Variants in PAX8 observed in about 807,000 individuals in gnomAD.
The protein encoded by PAX8 is paired box protein Pax-8.
Under a neutral mutation model 52.4 loss-of-function variants are expected in PAX8, and 15 were observed. The observed-to-expected ratio is 0.29, with a 90% CI of 0.19 to 0.44. The LOEUF (loss-of-function observed/expected upper bound fraction) is 0.44, where lower values mean the gene tolerates loss of function less well. Among genes scored for constraint, PAX8 ranks in the 20% least tolerant of loss-of-function variants. PAX8 has a pLI of 1.00. For synonymous variants in PAX8, 284 were observed against 249.7 expected (o/e 1.14, Z -1.29); for missense variants, 554 against 602.5 (o/e 0.92, Z 0.84).
intron 2 of PAX8, chr2:113,275,576 A>G (rs1693743938): frequency 6.6e-6 from 1 of 152,172 alleles, no homozygotes; most frequent in African/African-American, 2.4e-5. Flanking sequence ...TATTTTCGGG[A>G]CTGGTGGGAG....
chr2:113,260,878 TTGTG>T (rs34240850), intron 2 of PAX8, among the ~76,000 whole-genome samples: 1 of 148,116 alleles, frequency 6.8e-6, no homozygotes, highest in African/African-American at 2.5e-5. Flanking sequence ...AGTGACTGTT[TTGTG>T]TGTGTGTGTG....
intron 2 of PAX8, chr2:113,267,108 C>T (rs1020947152): frequency 6.6e-6 from 1 of 152,226 alleles, no homozygotes; most frequent in East Asian, 1.9e-4. Context: ...TGAGGGGTCT[C>T]AGGCGCAGAG....
At chr2:113,248,346 G>T (rs1573481562) in intron 2 of PAX8, among the ~76,000 whole-genome samples, 1 of 152,230 alleles carries the variant, frequency 6.6e-6, no homozygotes, top group Non-Finnish European at 1.5e-5. Context: ...GCTATGCCTG[G>T]ATGCTTGTCA....
chr2:113,236,819 TC>T, intron 7 of PAX8, 98 bp from the exon 8 acceptor site: 1 of 1,400,370 alleles, frequency 7.1e-7, no homozygotes, highest in Non-Finnish European at 9.6e-7. Flanking sequence ...AGCCCTCATC[TC>T]CCCAGGAGAG....
chr2:113,236,830 G>T, intron 7 of PAX8, 109 bp from the exon 8 acceptor site: 2 of 1,273,976 alleles, frequency 1.6e-6, no homozygotes, highest in South Asian at 1.5e-5. Context: ...CCCCAGGAGA[G>T]GTCCTCATCG....
chr2:113,277,453 A>C (rs533012768), intron 2 of PAX8, among the ~76,000 whole-genome samples: 1 of 152,194 alleles, frequency 6.6e-6, no homozygotes, highest in East Asian at 1.9e-4. Context: ...CGGAGAATTC[A>C]TTCTGAAATA....
intron 2 of PAX8, chr2:113,255,279 G>A (rs1185788650): frequency 2.0e-5 from 1 of 50,672 alleles, no homozygotes; most frequent in Non-Finnish European, 3.8e-5. Context: ...AGGAGGGAGG[G>A]GAGGAGGGAG....
chr2:113,219,190 C>T (rs1689140712), intron 11 of PAX8, among the ~76,000 whole-genome samples: 1 of 152,184 alleles, frequency 6.6e-6, no homozygotes, highest in African/African-American at 2.4e-5. Flanking sequence ...GAGTTGAACT[C>T]ATCTGGCAAA....
In PAX8 at chr2:113,217,975, T is replaced by C. The variant is rs1689082327; in HGVS notation, c.*558A>G. The C allele has an allele frequency of 1.3e-5, 3 of 233,056 alleles. No individual in the cohort carries two copies. The East Asian group carries it at 1.8e-4, about 14-fold the overall frequency. The allele number at this position is 233,056 out of a possible 1,614,324, so 14.4% of individuals were successfully genotyped here. A position where few individuals can be genotyped will look rare whatever the true frequency, so the allele number is the denominator to read the frequency against. ...GGAGGTGTAGAAAGAGCCAAGCAAA[T>C]GGAGTGGAGAAAGAGGACAGCCAGA... is the stretch of plus-strand genomic sequence containing the variant. On this transcript the variant is annotated 3_prime_UTR_variant, in exon 12 of 12. Coordinates refer to ENST00000429538, the MANE Select transcript of PAX8 (RefSeq NM_003466.4).
At chr2:113,243,144 A>C (rs906889088) in intron 4 of PAX8, among the ~76,000 whole-genome samples, 1 of 152,170 alleles carries the variant, frequency 6.6e-6, no homozygotes, top group Non-Finnish European at 1.5e-5. Flanking sequence ...CCAGTGTTCC[A>C]GGGTCACTCA....
rs757730962 is a variant in PAX8, at chr2:113,220,072, G to A, written c.1276+20C>T. The A allele has an allele frequency of 8.1e-6, 13 of 1,596,746 alleles. No individual in the cohort carries two copies. The highest frequency in any genetic ancestry group is 1.1e-5 in the Non-Finnish European group (13 of 1,166,840). On this transcript the variant is annotated intron_variant, in intron 11 of 11. Transcript: ENST00000429538. ...CATCCATCCTGCCCAGCAGAGGCCT[G>A]GGCAGCCCCAGGGACTTACTCAGCA...
At chr2:113,226,603 G>A (rs775866346) in intron 10 of PAX8, 203 of 1,051,234 alleles carry the variant, frequency 1.9e-4, no homozygotes, top group Middle Eastern at 4.6e-4. Context: ...CCTAGAACCC[G>A]GGTCCTATCC....
At chr2:113,228,926 C>G (rs543484380) in intron 9 of PAX8, among the ~76,000 whole-genome samples, 1 of 152,348 alleles carries the variant, frequency 6.6e-6, no homozygotes, top group African/African-American at 2.4e-5. Flanking sequence ...CCTTATCTCT[C>G]TTTCTGGAGA....
intron 5 of PAX8, 151 bp downstream of exon 5, chr2:113,242,539 C>A: frequency 2.7e-6 from 2 of 731,220 alleles, no homozygotes; most frequent in Non-Finnish European, 5.1e-6. Context: ...GTCGCAGTGG[C>A]ACAACTCAGT....
At chr2:113,276,526 A>G (rs539626925) in intron 2 of PAX8, 1 of 152,204 alleles carries the variant, frequency 6.6e-6, no homozygotes, top group African/African-American at 2.4e-5. Context: ...GCTAGTGGGA[A>G]AGCGCGCATC....
intron 7 of PAX8, 40 bp from the exon 8 acceptor site, chr2:113,236,761 A>G (rs1215068006): frequency 6.5e-7 from 1 of 1,542,196 alleles, no homozygotes; most frequent in Non-Finnish European, 8.7e-7. Flanking sequence ...AGACGATCCA[A>G]CAAGCCGACC....
At chr2:113,260,156 T>C (rs148684884) in intron 2 of PAX8, among the ~76,000 whole-genome samples, 42 of 152,302 alleles carry the variant, frequency 2.8e-4, no homozygotes, top group African/African-American at 9.9e-4. Flanking sequence ...GGTTTCTGAG[T>C]AGAAGACAGT....
intron 2 of PAX8, chr2:113,250,740 A>G (rs1476378436): frequency 1.3e-5 from 2 of 152,246 alleles, no homozygotes; most frequent in Non-Finnish European, 2.9e-5. Flanking sequence ...AACTCAAGAC[A>G]TTGACCAAGT....
intron 10 of PAX8, chr2:113,226,942 G>A (rs1689613374): frequency 1.4e-6 from 2 of 1,465,620 alleles, no homozygotes; most frequent in South Asian, 2.6e-5. Context: ...TGGGAAGAAG[G>A]AGGCCGAGCT....
Sources: gnomAD v4.1 joint callset for allele counts (sites outside exome capture counted in the v4.1 genomes callset) on GRCh38, gnomAD v4.1.1 for gene constraint, MANE v1.5 for transcripts, NCBI Gene and HGNC (gene_info 2026-07-23, HGNC 2026-07-21) for gene names.